NDUFS3: variants seen among roughly 807,000 people sequenced by gnomAD.
The protein encoded by NDUFS3 is NADH dehydrogenase [ubiquinone] iron-sulfur protein 3, mitochondrial.
In NDUFS3, 19 loss-of-function variants were observed where a neutral mutation model predicts 30.8. The observed-to-expected ratio is 0.62, with a 90% CI of 0.43 to 0.91. The LOEUF is 0.91. NDUFS3 is among the 40% of genes least tolerant of loss of function. The pLI, the probability that NDUFS3 is intolerant of heterozygous loss-of-function variation, is 0.00. For synonymous variants in NDUFS3, 153 were observed against 135.8 expected (o/e 1.13, Z -0.88); for missense variants, 331 against 342.0 (o/e 0.97, Z 0.25).
chr11:47,581,991 G>C, intron 4 of NDUFS3, 97 bp from the exon 5 acceptor site: 2 of 1,505,328 alleles, frequency 1.3e-6, no homozygotes, highest in Non-Finnish European at 1.8e-6. Flanking sequence ...AGAATCTTGA[G>C]GTTTTGAGGT....
chr11:47,579,666 C>G (rs1050058288), intron 2 of NDUFS3: 33 of 496,052 alleles, frequency 6.7e-5, no homozygotes, highest in African/African-American at 5.8e-4. Flanking sequence ...TGGAACCTCG[C>G]TAAGCGTTTT....
intron 6 of NDUFS3, among the ~76,000 whole-genome samples, chr11:47,583,206 A>G (rs950890461): frequency 6.6e-6 from 1 of 151,960 alleles, no homozygotes; most frequent in Non-Finnish European, 1.5e-5. Context: ...ATGCACCAAC[A>G]TGCCCAGCAA....
In NDUFS3 at chr11:47,580,818, C is replaced by A. The variant is rs746161668; in HGVS notation, c.232-17C>A. ...AGTAGCTCTTTGTTCCCTCTCCCCT[C>A]ACTTTCATGTGTGCAGGTGTCCTGC... is the stretch of plus-strand genomic sequence containing the variant. On this transcript the variant is annotated splice_polypyrimidine_tract_variant and intron_variant, in intron 3 of 6. Transcript: ENST00000263774. The A allele has an allele frequency of 6.2e-7, 1 of 1,614,208 alleles. No homozygotes were observed. The highest frequency in any genetic ancestry group is 8.5e-7 in the Non-Finnish European group (1 of 1,180,032).
In NDUFS3 at chr11:47,582,428, A is replaced by G; in HGVS notation, c.587A>G (p.His196Arg). 1 of 1,614,176 alleles carries G rather than the reference A, an allele frequency of 6.2e-7. No individual in the cohort carries two copies. Among genetic ancestry groups the G allele is most frequent in the Non-Finnish European group, 8.5e-7 (1 of 1,180,024 alleles). Residue 196 changes from histidine to arginine, a missense_variant, in exon 6 of 7, where the codon CAT becomes CGT. By Grantham distance (29) the His-to-Arg change is conservative. Transcript: ENST00000263774. ...CTGACAGATTATGGCTTCGAGGGAC[A>G]TCCTTTCCGGAAAGACTTTCCTCTA... is the stretch of plus-strand genomic sequence containing the variant. ...RILTDYGFEG[H>R]PFRKDFPLSG...
rs1418313417 is a variant in NDUFS3, at chr11:47,579,307, C to T, written c.106C>T (p.Arg36Trp). 4 of 1,614,102 alleles carry T rather than the reference C, an allele frequency of 2.5e-6. No individual in the cohort carries two copies. In the South Asian group the frequency reaches 4.4e-5, roughly 18 times the overall value. ...RPSVLLLPVR[R>W]ESAGADTRPT... ...CTCCGTTCTGTTGCTGCCGGTGAGG[C>T]GGGAGAGCGCCGGGGCCGACACGCG... is the stretch of plus-strand genomic sequence containing the variant. The change falls in exon 2 of 7, where the codon CGG (arginine) becomes TGG (tryptophan). Residue 36 changes from arginine (R) to tryptophan (W), a missense_variant. Coordinates refer to ENST00000263774, the MANE Select transcript of NDUFS3 (RefSeq NM_004551.3).
intron 6 of NDUFS3, among the ~76,000 whole-genome samples, chr11:47,583,359 T>C (rs903899297): frequency 6.6e-6 from 1 of 152,064 alleles, no homozygotes; most frequent in Non-Finnish European, 1.5e-5. Context: ...GCCAGTGTTA[T>C]CCATTATTGT....
Position 47,579,158 on chromosome 11 carries a change from G to T in NDUFS3, c.67G>T (p.Gly23Trp). ...GILGASALTR[G>W]TGRPSVLLLP... is the part of the protein sequence containing the mutation. ...CTTGGGGGCCTCGGCGCTGACCAGG[G>T]GTGAGCACGGGCAGCCAGCTGAGAC... is the stretch of plus-strand genomic sequence containing the variant. The change falls in exon 1 of 7, where the codon GGG (glycine) becomes TGG (tryptophan). Residue 23 changes from glycine to tryptophan, a missense_variant and splice_region_variant. Gly to Trp is a radical substitution (Grantham distance 184). Transcript: ENST00000263774. 1.2e-6 allele frequency: 2 copies of T among 1,610,258 alleles called. No homozygotes were observed. Among genetic ancestry groups the T allele is most frequent in the Non-Finnish European group, 8.5e-7 (1 of 1,178,774 alleles).
intron 6 of NDUFS3, among the ~76,000 whole-genome samples, chr11:47,582,793 C>A (rs748797980): frequency 6.6e-6 from 1 of 152,046 alleles, no homozygotes; most frequent in Non-Finnish European, 1.5e-5. Context: ...TCCAGGAGTT[C>A]GAGAACAGCC....
At chr11:47,581,508 C>G in intron 4 of NDUFS3, 1 of 219,480 alleles carries the variant, frequency 4.6e-6, no homozygotes, top group South Asian at 6.6e-5. Flanking sequence ...AAATATAAAG[C>G]TGTCCTTATC....
chr11:47,581,526 A>C, intron 4 of NDUFS3: 1 of 217,554 alleles, frequency 4.6e-6, no homozygotes, highest in Non-Finnish European at 9.3e-6. Flanking sequence ...ATCTTATAGA[A>C]TGGTTATAAG....
intron 2 of NDUFS3, 113 bp from the exon 3 acceptor site, chr11:47,580,412 G>A: frequency 1.0e-6 from 1 of 970,080 alleles, no homozygotes; most frequent in East Asian, 2.4e-5. Context: ...CTTTCTCAAG[G>A]TGCTTCAGGG....
intron 2 of NDUFS3, 81 bp from the exon 3 acceptor site, chr11:47,580,444 C>T (rs2153795281): frequency 1.5e-6 from 2 of 1,307,692 alleles, no homozygotes; most frequent in South Asian, 1.2e-5. Flanking sequence ...GATTTGACAT[C>T]CCTTACAAGC....
At position 47,580,618 on chromosome 11, in the gene NDUFS3, T is replaced by A. The variant is rs1257513106; in HGVS notation, c.227T>A (p.Val76Asp). 1 of 1,614,060 alleles carries A rather than the reference T, an allele frequency of 6.2e-7. No individual in the cohort carries two copies. Among genetic ancestry groups the A allele is most frequent in the African/African-American group, 1.3e-5 (1 of 75,034 alleles). ...ATCTTGCCCAAGTATGTCCAACAAG[T>A]TCAGGTAATACTTACTAATGTTATT... is the stretch of plus-strand genomic sequence containing the variant. ...AEILPKYVQQ[V>D]QVSCFNELEV... Residue 76 changes from valine to aspartate, a missense_variant, in exon 3 of 7, where the codon GTT becomes GAT. Coordinates refer to ENST00000263774, the MANE Select transcript of NDUFS3 (RefSeq NM_004551.3).
Position 47,582,104 on chromosome 11 carries a change from T to A in NDUFS3, c.398T>A (p.Leu133Ter). ...TCTCCCTAGATTGTCTACAACCTGT[T>A]GTCTCTGCGCTTCAACTCACGGATC... ...QNRFEIVYNL[L>*]SLRFNSRIRV... Residue 133 changes from leucine to a stop codon, truncating the protein, a stop_gained, in exon 5 of 7, where the codon TTG (leucine) becomes TAG (stop). Transcript: ENST00000263774. LOFTEE classifies it high-confidence loss of function. 1 of 1,614,100 alleles carries A rather than the reference T, an allele frequency of 6.2e-7. No homozygotes were observed. Among genetic ancestry groups the A allele is most frequent in the Non-Finnish European group, 8.5e-7 (1 of 1,180,048 alleles).
Position 47,579,268 on chromosome 11 carries a change from G to A in NDUFS3, c.68-1G>A. The A allele has an allele frequency of 6.2e-7, 1 of 1,614,222 alleles. No individual in the cohort carries two copies. On this transcript the variant is annotated splice_acceptor_variant, in intron 1 of 6. Transcript: ENST00000263774. LOFTEE classifies it high-confidence loss of function. ...TCTGTGCCTTTTATCTCCCTGTGCAGGGACTGGGCGACCCTCCGTTCTGTT... is the reference window on the plus strand; with the variant it reads ...TCTGTGCCTTTTATCTCCCTGTGCAAGGACTGGGCGACCCTCCGTTCTGTT...
intron 1 of NDUFS3, 55 bp downstream of exon 1, chr11:47,579,213 C>A: frequency 6.2e-7 from 1 of 1,613,924 alleles, no homozygotes; most frequent in Admixed American, 1.7e-5. Flanking sequence ...GTGCCCAGTG[C>A]AGAGAGCTCC....
rs1164037451 is a variant in NDUFS3, at chr11:47,580,822, T to G, written c.232-13T>G. The G allele has an allele frequency of 8.7e-6, 14 of 1,614,200 alleles. No homozygotes were observed. Among genetic ancestry groups the G allele is most frequent in the Non-Finnish European group, 1.0e-5 (12 of 1,180,034 alleles). On this transcript the variant is annotated splice_polypyrimidine_tract_variant and intron_variant, in intron 3 of 6. Transcript: ENST00000263774. ...GCTCTTTGTTCCCTCTCCCCTCACT[T>G]TCATGTGTGCAGGTGTCCTGCTTCA...
At chr11:47,583,740 A>G (rs1598806485) in intron 6 of NDUFS3, among the ~76,000 whole-genome samples, 1 of 152,228 alleles carries the variant, frequency 6.6e-6, no homozygotes, top group African/African-American at 2.4e-5. Flanking sequence ...GGGCAGGGCT[A>G]TCTCCCTCGC....
At chr11:47,579,808 A>AGGCC (rs2097267114) in intron 2 of NDUFS3, 1 of 234,516 alleles carries the variant, frequency 4.3e-6, no homozygotes, top group Non-Finnish European at 8.5e-6. Context: ...ATGACAAAGT[A>AGGCC]GGCCTGCCTG....
Sources: allele counts gnomAD v4.1 joint callset (sites outside exome capture counted in the v4.1 genomes callset), GRCh38; gene constraint gnomAD v4.1.1; transcripts MANE v1.5; gene names NCBI Gene and HGNC (gene_info 2026-07-23, HGNC 2026-07-21).